Variants in PCDHA6 observed in about 807,000 individuals in gnomAD.
The protein encoded by PCDHA6 is protocadherin alpha-6.
A neutral mutation model predicts 60.3 loss-of-function variants in PCDHA6; 55 were observed. That is an observed-to-expected ratio of 0.91 (90% CI 0.73 to 1.14). The LOEUF is 1.14. Ranked by LOEUF, PCDHA6 falls within the 50% of genes most tolerant of loss-of-function variation. The pLI is 0.00. For synonymous variants in PCDHA6, 652 were observed against 557.9 expected, an observed-to-expected ratio of 1.17 and a Z score of -2.38; for missense variants, 1,327 against 1,256.5, an observed-to-expected ratio of 1.06 and a Z score of -0.85.
Position 140,989,317 on chromosome 5 carries a change from C to T in PCDHA6, c.2542+6754C>T, listed in dbSNP as rs184467267. Among the ~76,000 whole-genome samples, 489 of 152,240 alleles carry T rather than the reference C, an allele frequency of 3.2e-3. 2 individuals carry two copies. Among genetic ancestry groups the T allele is most frequent in the African/African-American group, 0.011 (440 of 41,530 alleles). Reference sequence around the variant, plus strand: ...AAAGGGCCAAGGAAGTAGGGTCTCACCAACTTTGCCACCTGACTCAGCTCA... The same window carrying T: ...AAAGGGCCAAGGAAGTAGGGTCTCATCAACTTTGCCACCTGACTCAGCTCA... On this transcript the variant is annotated intron_variant, in intron 3 of 3. Transcript: ENST00000529310.
chr5:140,945,850 T>G (rs1472612975), intron 1 of PCDHA6, among the ~76,000 whole-genome samples: 1 of 152,102 alleles, frequency 6.6e-6, no homozygotes, highest in Non-Finnish European at 1.5e-5. Context: ...ATTAAAGACT[T>G]AAACATAGAC....
chr5:140,985,357 C>T (rs577732404), intron 3 of PCDHA6, among the ~76,000 whole-genome samples: 1 of 152,298 alleles, frequency 6.6e-6, no homozygotes, highest in East Asian at 1.9e-4. Flanking sequence ...TATAGACCCT[C>T]TGAGGTTATC....
chr5:140,920,972 T>C (rs246075), intron 1 of PCDHA6, among the ~76,000 whole-genome samples: 86,063 of 151,854 alleles, frequency 0.57, 25,081 homozygotes, highest in African/African-American at 0.71. Flanking sequence ...TACTAGAGTA[T>C]AATATTGTAT....
chr5:140,917,450 G>A (rs1220183879), intron 1 of PCDHA6, among the ~76,000 whole-genome samples: 2 of 152,010 alleles, frequency 1.3e-5, no homozygotes, highest in Non-Finnish European at 2.9e-5. Context: ...CTGCAAGAGC[G>A]TTTGGCATCT....
At chr5:140,875,891 TA>T (rs2055921027) in intron 1 of PCDHA6, 3 of 1,614,128 alleles carry the variant, frequency 1.9e-6, no homozygotes, top group Middle Eastern at 3.3e-4. Flanking sequence ...GAACAAAAGG[TA>T]CCTGTTTCTG....
In PCDHA6 at chr5:140,886,687, A is replaced by G. The variant is rs553566283; in HGVS notation, c.2394+56202A>G. On this transcript the variant is annotated intron_variant, in intron 1 of 3. Coordinates refer to ENST00000529310, the MANE Select transcript of PCDHA6 (RefSeq NM_018909.4). The stretch of plus-strand genomic sequence containing the variant: ...CTAAAAATACAAAAATTAGCGAGGC[A>G]TGGTGGCACGCGCCTGTAATCCCAG... Among the ~76,000 whole-genome samples, 418 of 152,114 alleles carry G rather than the reference A, an allele frequency of 2.7e-3. 2 individuals are homozygous for G. Among genetic ancestry groups the G allele is most frequent in the Middle Eastern group, 0.014 (4 of 294 alleles).
chr5:140,904,912 T>C (rs2071465626), intron 1 of PCDHA6, among the ~76,000 whole-genome samples: 1 of 152,236 alleles, frequency 6.6e-6, no homozygotes, highest in Non-Finnish European at 1.5e-5. Flanking sequence ...TACTGATTTG[T>C]TTGACTTCCT....
intron 1 of PCDHA6, among the ~76,000 whole-genome samples, chr5:140,942,587 CAT>C (rs2093330311): frequency 6.7e-6 from 1 of 148,732 alleles, no homozygotes; most frequent in East Asian, 2.0e-4. Flanking sequence ...TAGGATGTCA[CAT>C]ATAATTATAG....
chr5:140,863,400 G>A, intron 1 of PCDHA6: 2 of 854,178 alleles, frequency 2.3e-6, no homozygotes, highest in Admixed American at 1.9e-5. Flanking sequence ...TGCCGGGCAA[G>A]CCCACGCTGG....
chr5:140,836,238 A>C (rs1774313279), intron 1 of PCDHA6: 1 of 1,613,700 alleles, frequency 6.2e-7, no homozygotes, highest in Admixed American at 1.7e-5. Context: ...GGCCGGTGCG[A>C]GCATCCCGTT....
intron 2 of PCDHA6, among the ~76,000 whole-genome samples, chr5:140,981,165 T>C (rs1411910974): frequency 6.6e-6 from 1 of 152,250 alleles, no homozygotes; most frequent in Non-Finnish European, 1.5e-5. Flanking sequence ...ATATGTTGCC[T>C]TCCCTCTAAT....
intron 1 of PCDHA6, among the ~76,000 whole-genome samples, chr5:140,838,413 C>T (rs1304271115): frequency 6.6e-6 from 1 of 151,456 alleles, no homozygotes; most frequent in East Asian, 1.9e-4. Context: ...AGTGAGCCAC[C>T]GCATCCGGCC....
chr5:140,856,236 TC>T (rs1554148438), intron 1 of PCDHA6: 2 of 1,597,912 alleles, frequency 1.3e-6, no homozygotes, highest in East Asian at 2.2e-5. Context: ...CAGCGCCTGT[TC>T]CGGGTGGCGT....
intron 1 of PCDHA6, chr5:140,853,202 C>T (rs1357815878): frequency 1.3e-5 from 13 of 982,324 alleles, no homozygotes; most frequent in Middle Eastern, 5.3e-4. Flanking sequence ...TTATTATTGA[C>T]GGCTGTATTG....
intron 1 of PCDHA6, among the ~76,000 whole-genome samples, chr5:140,891,030 T>G (rs1583035754): frequency 6.6e-6 from 1 of 151,856 alleles, no homozygotes; most frequent in Non-Finnish European, 1.5e-5. Context: ...GGGTATAATC[T>G]TAGGTGTGAC....
In PCDHA6 at chr5:140,829,791, C is replaced by A. The variant is rs2150174783; in HGVS notation, c.1700C>A (p.Ala567Glu). ...DENDNAPALL[A>E]PRVGGTGGAV... ...AACGACAACGCGCCGGCGCTGCTGG[C>A]GCCTCGGGTGGGTGGTACTGGTGGT... The change falls in exon 1 of 4, where the codon GCG becomes GAG. Residue 567 changes from alanine (A) to glutamate (E), a missense_variant. Physicochemically the swap from Ala to Glu is moderately radical, Grantham distance 107 (BLOSUM62 -1). Transcript: ENST00000529310. The A allele has an allele frequency of 1.6e-5, 26 of 1,613,668 alleles. No homozygotes were observed. Among genetic ancestry groups the A allele is most frequent in the South Asian group, 2.2e-5 (2 of 91,078 alleles).
In PCDHA6 at chr5:141,009,668, G is replaced by A. The variant is rs782068657; in HGVS notation, c.2584G>A (p.Val862Ile). The change falls in exon 4 of 4, where the codon GTC becomes ATC. Residue 862 changes from valine (V) to isoleucine (I), a missense_variant. Transcript: ENST00000529310. ...AGTGTCCCCTCCAGTCGGTGCGGGTGTCAACAGCAACAGCTGGACCTTTAA... is the reference window on the plus strand; with the variant it reads ...AGTGTCCCCTCCAGTCGGTGCGGGTATCAACAGCAACAGCTGGACCTTTAA... ...GEVSPPVGAG[V>I]NSNSWTFKYG... The A allele has an allele frequency of 1.2e-6, 2 of 1,614,108 alleles. No individual in the cohort carries two copies. Among genetic ancestry groups the A allele is most frequent in the Non-Finnish European group, 1.7e-6 (2 of 1,180,018 alleles).
intron 3 of PCDHA6, among the ~76,000 whole-genome samples, chr5:141,002,749 A>G (rs2098093412): frequency 1.3e-5 from 2 of 152,202 alleles, no homozygotes; most frequent in South Asian, 4.1e-4. Flanking sequence ...TACATCGACA[A>G]CCCTGTGATG....
intron 3 of PCDHA6, among the ~76,000 whole-genome samples, chr5:140,994,027 A>G (rs1237081548): frequency 2.6e-5 from 4 of 152,234 alleles, no homozygotes; most frequent in Non-Finnish European, 2.9e-5. Context: ...TGCAGATATA[A>G]TATTAAATAT....
Sources: gnomAD v4.1 joint callset for allele counts (sites outside exome capture counted in the v4.1 genomes callset) on GRCh38, gnomAD v4.1.1 for gene constraint, MANE v1.5 for transcripts, NCBI Gene and HGNC (gene_info 2026-07-23, HGNC 2026-07-21) for gene names.